The following CACNA2D3 variants were observed in gnomAD, a reference collection of about 807,000 sequenced individuals.
CACNA2D3 encodes the protein voltage-dependent calcium channel subunit alpha-2/delta-3.
Under a neutral mutation model 160.6 loss-of-function variants are expected in CACNA2D3, and 60 were observed. The observed-to-expected ratio is 0.37, with a 90% CI of 0.30 to 0.46. The LOEUF (loss-of-function observed/expected upper bound fraction) is 0.46, where lower values mean the gene tolerates loss of function less well. Ranked by LOEUF, CACNA2D3 falls within the 20% of genes least tolerant of loss-of-function variation. CACNA2D3 has a pLI of 1.00. For missense variants in CACNA2D3, 1,205 were observed against 1,365.0 expected, an observed-to-expected ratio of 0.88 and a Z score of 1.85; for synonymous variants, 558 against 492.9, an observed-to-expected ratio of 1.13 and a Z score of -1.75.
intron 35 of CACNA2D3, among the ~76,000 whole-genome samples, chr3:55,036,490 C>A (rs529918861): frequency 6.6e-6 from 1 of 151,068 alleles, no homozygotes; most frequent in African/African-American, 2.4e-5. Flanking sequence ...TTTTTTGAGA[C>A]GGAGTCTCAC....
At chr3:54,681,382 C>CA (rs565556596) in intron 11 of CACNA2D3, among the ~76,000 whole-genome samples, 19,477 of 61,068 alleles carry the variant, frequency 0.32, 5,600 homozygotes, top group Non-Finnish European at 0.34. Flanking sequence ...ACTAAAAATA[C>CA]AAAAAAAAAA....
At chr3:54,215,626 G>A (rs1701447275) in intron 2 of CACNA2D3, among the ~76,000 whole-genome samples, 1 of 152,182 alleles carries the variant, frequency 6.6e-6, no homozygotes, top group Admixed American at 6.5e-5. Flanking sequence ...GCGATGTGAG[G>A]GTGGGAGGTG....
chr3:54,141,439 G>C (rs1699933632), intron 2 of CACNA2D3, among the ~76,000 whole-genome samples: 1 of 152,134 alleles, frequency 6.6e-6, no homozygotes, highest in Non-Finnish European at 1.5e-5. Context: ...TTTTCCCGAG[G>C]CAATGGTCTA....
intron 11 of CACNA2D3, among the ~76,000 whole-genome samples, chr3:54,702,009 A>G (rs984467340): frequency 5.3e-5 from 8 of 152,218 alleles, no homozygotes; most frequent in Non-Finnish European, 7.3e-5. Context: ...CAATGGGGAA[A>G]GGACTCCCTA....
At chr3:55,002,782 T>G (rs978087259) in intron 31 of CACNA2D3, among the ~76,000 whole-genome samples, 5 of 152,164 alleles carry the variant, frequency 3.3e-5, no homozygotes, top group African/African-American at 1.2e-4. Flanking sequence ...TGCTGCTGGT[T>G]AGGAGCTGGC....
chr3:54,960,962 C>T (rs1236597426), intron 27 of CACNA2D3, among the ~76,000 whole-genome samples: 2 of 152,166 alleles, frequency 1.3e-5, no homozygotes, highest in African/African-American at 4.8e-5. Context: ...CCTTGATGCT[C>T]CAGAACAGTG....
intron 27 of CACNA2D3, among the ~76,000 whole-genome samples, chr3:54,934,085 A>G (rs974157782): frequency 6.6e-6 from 1 of 152,140 alleles, no homozygotes; most frequent in African/African-American, 2.4e-5. Context: ...TGTTACTATT[A>G]CTTTTGATAC....
chr3:54,578,895 C>T (rs1484000031), intron 8 of CACNA2D3, among the ~76,000 whole-genome samples: 1 of 152,212 alleles, frequency 6.6e-6, no homozygotes, highest in Admixed American at 6.5e-5. Context: ...TGTTGCCTCA[C>T]TCAATTTCTG....
intron 4 of CACNA2D3, among the ~76,000 whole-genome samples, chr3:54,434,122 TC>T (rs1230370408): frequency 6.6e-6 from 1 of 152,090 alleles, no homozygotes; most frequent in Admixed American, 6.5e-5. Flanking sequence ...GTGCTCCTGT[TC>T]CCCTGTCAGA....
intron 11 of CACNA2D3, among the ~76,000 whole-genome samples, chr3:54,696,626 C>G (rs1469580808): frequency 6.6e-6 from 1 of 152,114 alleles, no homozygotes; most frequent in African/African-American, 2.4e-5. Context: ...ACTCACCTTT[C>G]TTCTTGTGTG....
intron 2 of CACNA2D3, among the ~76,000 whole-genome samples, chr3:54,141,094 C>CGCGCGCGCGCGCACACACGT (rs768348036): frequency 1.8e-4 from 15 of 81,884 alleles, no homozygotes; most frequent in African/African-American, 4.6e-4. Flanking sequence ...TGTGCGCGCG[C>CGCGCGCGCGCGCACACACGT]GCGCGTGTGT....
At position 54,958,079 on chromosome 3, in the gene CACNA2D3, C is replaced by G. The variant is rs150839364; in HGVS notation, c.2450-10371C>G. Among the ~76,000 whole-genome samples, 48 of 152,352 alleles carry G rather than the reference C, an allele frequency of 3.2e-4. No individual in the cohort carries two copies. The East Asian group carries it at 7.5e-3, about 24-fold the overall frequency. ...GTGCCTGCCTGTGCTGGTAGCTTCT[C>G]TAGGTACAGGGAATACAGCAGTAAA... On this transcript the variant is annotated intron_variant, in intron 27 of 37. Coordinates refer to ENST00000474759, the MANE Select transcript of CACNA2D3 (RefSeq NM_018398.3).
In CACNA2D3 at chr3:54,822,751, T is replaced by C. The variant is rs1274070474; in HGVS notation, c.1398+5881T>C. Reference sequence around the variant, plus strand: ...TTTATTTTCTTTCTTTCTTTCTTTCTTTCTTTCTTTCTTTCTTTCTTTCTT... The same window carrying C: ...TTTATTTTCTTTCTTTCTTTCTTTCCTTCTTTCTTTCTTTCTTTCTTTCTT... On this transcript the variant is annotated intron_variant, in intron 14 of 37. Coordinates refer to ENST00000474759, the MANE Select transcript of CACNA2D3 (RefSeq NM_018398.3). Among the ~76,000 whole-genome samples the C allele has an allele frequency of 2.0e-3, 145 of 72,600 alleles. 4 individuals are homozygous for C. The highest frequency in any genetic ancestry group is 7.8e-3 in the African/African-American group (135 of 17,408). 47.6% of individuals were successfully genotyped at this position (72,600 alleles called of 152,430 possible). A position where few individuals can be genotyped will look rare whatever the true frequency, so the allele number is the denominator to read the frequency against.
chr3:54,844,543 C>A (rs1442335832), intron 16 of CACNA2D3, among the ~76,000 whole-genome samples: 2 of 152,198 alleles, frequency 1.3e-5, no homozygotes, highest in East Asian at 3.9e-4. Context: ...CTACTTCCAC[C>A]TTTTTCTCTT....
At chr3:55,001,674 T>A (rs1470015245) in intron 31 of CACNA2D3, among the ~76,000 whole-genome samples, 2 of 152,214 alleles carry the variant, frequency 1.3e-5, no homozygotes, top group South Asian at 2.1e-4. Context: ...ACAGTGCAGC[T>A]TTAAGAGCCC....
At chr3:54,773,407 C>G (rs542142042) in intron 13 of CACNA2D3, among the ~76,000 whole-genome samples, 1 of 152,112 alleles carries the variant, frequency 6.6e-6, no homozygotes, top group Non-Finnish European at 1.5e-5. Context: ...AAGAGACACA[C>G]GTAAAGAGAA....
At chr3:54,306,119 G>T (rs1703593950) in intron 2 of CACNA2D3, among the ~76,000 whole-genome samples, 1 of 152,144 alleles carries the variant, frequency 6.6e-6, no homozygotes, top group South Asian at 2.1e-4. Context: ...AAGTCATTCT[G>T]AGGAGGGGTC....
rs554203647 is a variant in CACNA2D3 at position 54,305,884 on chromosome 3, C to T, written c.205-14558C>T. On this transcript the variant is annotated intron_variant, in intron 2 of 37. Transcript: ENST00000474759. ...TTTGTCATCAACAGAAATCACAGAT[C>T]GTTTCCTGTGATGTCATGGTTGATG... Among the ~76,000 whole-genome samples the T allele has an allele frequency of 7.2e-5, 11 of 152,298 alleles. No individual in the cohort carries two copies. The Middle Eastern group carries it at 0.01, about 141-fold the overall frequency.
chr3:54,464,438 T>C (rs979630264), intron 4 of CACNA2D3, among the ~76,000 whole-genome samples: 138 of 152,346 alleles, frequency 9.1e-4, no homozygotes, highest in Non-Finnish European at 1.2e-4. Flanking sequence ...CAGTTCGAGC[T>C]TCCCGGCTGC....
Sources: gnomAD v4.1 joint callset for allele counts (sites outside exome capture counted in the v4.1 genomes callset) on GRCh38, gnomAD v4.1.1 for gene constraint, MANE v1.5 for transcripts, NCBI Gene and HGNC (gene_info 2026-07-23, HGNC 2026-07-21) for gene names.